FOXN2: variants seen among roughly 807,000 people sequenced by gnomAD.
FOXN2 encodes the protein forkhead box N2, also known as forkhead box protein N2.
A neutral mutation model predicts 41.2 loss-of-function variants in FOXN2; 19 were observed. That is an observed-to-expected ratio of 0.46 (90% confidence interval 0.32 to 0.68). The LOEUF (loss-of-function observed/expected upper bound fraction) is 0.68. Among genes scored for constraint, FOXN2 ranks in the 30% least tolerant of loss-of-function variants. The pLI, the probability that FOXN2 is intolerant of heterozygous loss-of-function variation, is 0.03. For synonymous variants in FOXN2, 195 were observed against 176.8 expected, an observed-to-expected ratio of 1.10 and a Z score of -0.82; for missense variants, 587 against 509.4, an observed-to-expected ratio of 1.15 and a Z score of -1.47.
At chr2:48,352,586 G>T (rs549594464) in intron 3 of FOXN2, among the ~76,000 whole-genome samples, 5 of 152,238 alleles carry the variant, frequency 3.3e-5, no homozygotes, top group East Asian at 1.9e-4. Flanking sequence ...AAGCCCAGAC[G>T]TAAATTTGCA....
At chr2:48,349,812 T>A (rs1248736213) in intron 3 of FOXN2, among the ~76,000 whole-genome samples, 2 of 152,188 alleles carry the variant, frequency 1.3e-5, no homozygotes, top group Non-Finnish European at 2.9e-5. Context: ...ACGTGAGATG[T>A]AACATATGAA....
At chr2:48,333,153 C>T (rs1360393375) in intron 2 of FOXN2, among the ~76,000 whole-genome samples, 1 of 152,072 alleles carries the variant, frequency 6.6e-6, no homozygotes, top group African/African-American at 2.4e-5. Flanking sequence ...TTACGATAGA[C>T]TCTAAGCATG....
chr2:48,373,375 CT>C lies in FOXN2; in HGVS notation c.772+21del. 2 of 1,515,470 alleles carry C rather than the reference CT, an allele frequency of 1.3e-6. No individual in the cohort carries two copies. Among genetic ancestry groups the C allele is most frequent in the East Asian group, 2.4e-5 (1 of 42,498 alleles). The allele number at this position is 1,515,470 out of a possible 1,614,324, so 93.9% of individuals were successfully genotyped here. A position where few individuals can be genotyped will look rare whatever the true frequency, so the allele number is the denominator to read the frequency against. Reference sequence around the variant, plus strand: ...AATTTTAGAATGTAAGTAATCATGCCTTTTTTAAAAAAAAATTTTAGTGCCT... The same window carrying C: ...AATTTTAGAATGTAAGTAATCATGCCTTTTTAAAAAAAAATTTTAGTGCCT... On this transcript the variant is annotated intron_variant, in intron 6 of 6. Transcript: ENST00000340553.
chr2:48,336,765 G>A (rs1361293327), intron 2 of FOXN2, among the ~76,000 whole-genome samples: 3 of 151,776 alleles, frequency 2.0e-5, no homozygotes, highest in African/African-American at 4.8e-5. Context: ...GGAAACAAAG[G>A]AAAATGTTGA....
At chr2:48,321,332 G>A (rs1330958888) in intron 1 of FOXN2, among the ~76,000 whole-genome samples, 2 of 152,078 alleles carry the variant, frequency 1.3e-5, no homozygotes, top group Non-Finnish European at 2.9e-5. Flanking sequence ...TCAGGAGATC[G>A]AGACCGTCTG....
At chr2:48,351,205 AC>A (rs1671425921) in intron 3 of FOXN2, among the ~76,000 whole-genome samples, 2 of 151,820 alleles carry the variant, frequency 1.3e-5, no homozygotes, top group African/African-American at 4.8e-5. Context: ...CAAGCGATCC[AC>A]CTGTCTCAGC....
At chr2:48,329,428 A>G (rs192651095) in intron 2 of FOXN2, among the ~76,000 whole-genome samples, 38 of 151,948 alleles carry the variant, frequency 2.5e-4, no homozygotes, top group Non-Finnish European at 5.0e-4. Flanking sequence ...CCCCCCACTC[A>G]CTTTTATTTC....
intron 2 of FOXN2, among the ~76,000 whole-genome samples, chr2:48,331,123 A>G (rs1371670131): frequency 1.3e-5 from 2 of 152,178 alleles, no homozygotes; most frequent in African/African-American, 4.8e-5. Flanking sequence ...AAGGAAAGAT[A>G]TTCAGTGACT....
intron 2 of FOXN2, among the ~76,000 whole-genome samples, chr2:48,337,292 T>C (rs1670429442): frequency 2.5e-5 from 2 of 80,922 alleles, no homozygotes; most frequent in Admixed American, 2.2e-4. Context: ...ATTGGATCTC[T>C]TTTTTTTTTT....
intron 3 of FOXN2, among the ~76,000 whole-genome samples, chr2:48,353,605 TGA>T (rs1416976250): frequency 8.4e-6 from 1 of 119,268 alleles, no homozygotes; most frequent in East Asian, 3.1e-4. Context: ...TGTGTGTGTG[TGA>T]AAGAGAAAGG....
intron 5 of FOXN2, among the ~76,000 whole-genome samples, chr2:48,363,902 T>A (rs1322703266): frequency 6.6e-6 from 1 of 152,190 alleles, no homozygotes; most frequent in Non-Finnish European, 1.5e-5. Flanking sequence ...TTCCCGTCAT[T>A]AAACAAAGTA....
Position 48,351,191 on chromosome 2 carries a change from G to A in FOXN2, c.537+4440G>A, listed in dbSNP as rs149768355. On this transcript the variant is annotated intron_variant, in intron 3 of 6. Transcript: ENST00000340553. ...TGCCCAGGCTGGTCTCTAACTCCTG[G>A]GCTCAAGCGATCCACCTGTCTCAGC... 3.7e-3 allele frequency among the ~76,000 whole-genome samples: 568 copies of A among 152,036 alleles called. 13 individuals carry two copies. In the East Asian group the frequency reaches 0.054, roughly 15 times the overall value.
intron 1 of FOXN2, among the ~76,000 whole-genome samples, chr2:48,320,287 A>G (rs1019444092): frequency 6.6e-6 from 1 of 151,884 alleles, no homozygotes; most frequent in Non-Finnish European, 1.5e-5. Flanking sequence ...ATGAGTGTAT[A>G]ATTTAATTTT....
intron 2 of FOXN2, among the ~76,000 whole-genome samples, chr2:48,341,615 G>A (rs182891653): frequency 5.6e-4 from 85 of 152,300 alleles, no homozygotes; most frequent in Middle Eastern, 3.4e-3. Flanking sequence ...GGATGCCAGG[G>A]TAAAATGCAT....
At position 48,346,350 on chromosome 2, in the gene FOXN2, C is replaced by T; in HGVS notation, c.136C>T (p.Leu46=). 2 of 1,614,200 alleles carry T rather than the reference C, an allele frequency of 1.2e-6. No individual in the cohort carries two copies. The highest frequency in any genetic ancestry group is 8.5e-7 in the Non-Finnish European group (1 of 1,180,028). ...AVDAARPKAT[L]VDSESADDEL... is the part of the protein sequence containing the mutation. Reference sequence around the variant, plus strand: ...TGATGCTGCCAGGCCGAAGGCCACTCTAGTGGACAGTGAGTCAGCAGATGA... The same window carrying T: ...TGATGCTGCCAGGCCGAAGGCCACTTTAGTGGACAGTGAGTCAGCAGATGA... Residue 46 remains leucine, a synonymous_variant, in exon 3 of 7, where the codon CTA becomes TTA. Transcript: ENST00000340553.
intron 3 of FOXN2, among the ~76,000 whole-genome samples, chr2:48,353,361 C>G (rs1340798008): frequency 6.6e-6 from 1 of 152,200 alleles, no homozygotes; most frequent in African/African-American, 2.4e-5. Flanking sequence ...GAGAACATTT[C>G]CTCAAAGCCC....
Position 48,375,878 on chromosome 2 carries a change from C to G in FOXN2, c.*435C>G, listed in dbSNP as rs1673220636. On this transcript the variant is annotated 3_prime_UTR_variant, in exon 7 of 7. Transcript: ENST00000340553. ...TGATGTATTTTTCATATACTTCTCTCCTGACACGCAATCCGGTAACATAAG... is the reference window on the plus strand; with the variant it reads ...TGATGTATTTTTCATATACTTCTCTGCTGACACGCAATCCGGTAACATAAG... 6.5e-6 allele frequency: 1 copy of G among 154,206 alleles called. No individual in the cohort carries two copies. Among genetic ancestry groups the G allele is most frequent in the African/African-American group, 2.4e-5 (1 of 41,482 alleles). The allele number at this position is 154,206 out of a possible 1,614,324, so 9.6% of individuals were successfully genotyped here. A position where few individuals can be genotyped will look rare whatever the true frequency, so the allele number is the denominator to read the frequency against.
chr2:48,329,464 A>G (rs199775824), intron 2 of FOXN2, among the ~76,000 whole-genome samples: 1 of 152,000 alleles, frequency 6.6e-6, no homozygotes, highest in African/African-American at 2.4e-5. Context: ...TTGAGAAGCA[A>G]TTTCTCCATG....
chr2:48,374,776 A>T (rs111985182), intron 6 of FOXN2, 144 bp from the exon 7 acceptor site: 2 of 677,590 alleles, frequency 3.0e-6, no homozygotes. Context: ...AAATGATGTG[A>T]TCTGGGTAAA....
Sources: allele counts gnomAD v4.1 joint callset (sites outside exome capture counted in the v4.1 genomes callset), GRCh38; gene constraint gnomAD v4.1.1; transcripts MANE v1.5; gene names NCBI Gene and HGNC (gene_info 2026-07-23, HGNC 2026-07-21).